The following SATB2 variants were observed in gnomAD, a reference collection of about 807,000 sequenced individuals.
SATB2 encodes the protein DNA-binding protein SATB2.
SATB2 carries 1 observed loss-of-function variant against 73.4 expected under a neutral mutation model. That is an observed-to-expected ratio of 0.01 (90% CI 0.00 to 0.06). The LOEUF is 0.06. Ranked by LOEUF, SATB2 falls within the 10% of genes least tolerant of loss-of-function variation. SATB2 has a pLI of 1.00. For missense variants in SATB2, 459 were observed against 945.8 expected, an observed-to-expected ratio of 0.49 and a Z score of 6.75; for synonymous variants, 397 against 367.0, an observed-to-expected ratio of 1.08 and a Z score of -0.93.
At chr2:199,288,265 C>T (rs1301887315) in intron 10 of SATB2, among the ~76,000 whole-genome samples, 1 of 152,156 alleles carries the variant, frequency 6.6e-6, no homozygotes, top group Non-Finnish European at 1.5e-5. Flanking sequence ...AATTTGCTAG[C>T]ACATAAAGAG....
chr2:199,336,526 C>G (rs924528362), intron 7 of SATB2, among the ~76,000 whole-genome samples: 2 of 152,146 alleles, frequency 1.3e-5, no homozygotes, highest in African/African-American at 4.8e-5. Flanking sequence ...GTATCAGATG[C>G]CTTCAGATAT....
intron 3 of SATB2, among the ~76,000 whole-genome samples, chr2:199,419,098 G>A (rs1691088397): frequency 6.6e-6 from 1 of 152,132 alleles, no homozygotes; most frequent in African/African-American, 2.4e-5. Flanking sequence ...AACTATTTTG[G>A]TTCCACACAT....
chr2:199,341,790 G>A (rs554446447), intron 7 of SATB2, among the ~76,000 whole-genome samples: 4 of 152,280 alleles, frequency 2.6e-5, no homozygotes, highest in African/African-American at 7.2e-5. Flanking sequence ...TGGAAATGGC[G>A]TGGACCTATA....
At position 199,328,605 on chromosome 2, in the gene SATB2, T is replaced by A. The variant is rs531430156; in HGVS notation, c.1386+93A>T. ...AAAAAGGAAAGAAATCCTTGAATTA[T>A]GTCTCTCAATGTTTGAGGGAAAACA... On this transcript the variant is annotated intron_variant, in intron 8 of 10. Transcript: ENST00000417098. 6.6e-5 allele frequency: 57 copies of A among 866,158 alleles called. No homozygotes were observed. In the African/African-American group the frequency reaches 8.9e-4, roughly 13 times the overall value. The allele number at this position is 866,158 out of a possible 1,614,324, so 53.7% of individuals were successfully genotyped here.
At chr2:199,419,906 AAAAT>A (rs1392781496) in intron 3 of SATB2, among the ~76,000 whole-genome samples, 1 of 152,210 alleles carries the variant, frequency 6.6e-6, no homozygotes, top group Non-Finnish European at 1.5e-5. Context: ...CCTGAAGAAA[AAAAT>A]AAATAAAGGA....
At chr2:199,458,924 C>A (rs1692391531), upstream of SATB2, among the ~76,000 whole-genome samples, 1 of 152,088 alleles carries the variant, frequency 6.6e-6, no homozygotes, top group East Asian at 1.9e-4. Flanking sequence ...GCCGCGAGTC[C>A]GGAACAATAG....
upstream of SATB2, among the ~76,000 whole-genome samples, chr2:199,465,641 G>A (rs1428769926): frequency 1.3e-5 from 2 of 152,176 alleles, no homozygotes; most frequent in Admixed American, 6.5e-5. Context: ...TAGTGTCTGC[G>A]GAGTTGCTGG....
At chr2:199,348,571 G>A (rs773074139) in intron 7 of SATB2, 130 bp downstream of exon 7, 2 of 758,098 alleles carry the variant, frequency 2.6e-6, no homozygotes, top group African/African-American at 1.7e-5. Flanking sequence ...CATTAACTAA[G>A]GATTATTAAT....
At chr2:199,303,797 G>A (rs1046690534) in intron 10 of SATB2, among the ~76,000 whole-genome samples, 1 of 152,140 alleles carries the variant, frequency 6.6e-6, no homozygotes, top group African/African-American at 2.4e-5. Flanking sequence ...GACAAGTCAA[G>A]GGACAATGCT....
At chr2:199,291,006 T>A (rs556015834) in intron 10 of SATB2, among the ~76,000 whole-genome samples, 1 of 152,174 alleles carries the variant, frequency 6.6e-6, no homozygotes. Context: ...ACAATAAAAT[T>A]CTGAATTGTC....
chr2:199,439,685 A>G (rs1178553347), intron 2 of SATB2, among the ~76,000 whole-genome samples: 1 of 152,176 alleles, frequency 6.6e-6, no homozygotes, highest in Non-Finnish European at 1.5e-5. Context: ...ATAACCTCAT[A>G]TTCTCATTAT....
chr2:199,284,750 C>G (rs550382605), intron 10 of SATB2, among the ~76,000 whole-genome samples: 2 of 151,238 alleles, frequency 1.3e-5, no homozygotes, highest in Admixed American at 6.6e-5. Context: ...GGTTCCATAC[C>G]TATGGATTCA....
At chr2:199,333,167 AC>A (rs1162306591) in intron 7 of SATB2, among the ~76,000 whole-genome samples, 1 of 152,046 alleles carries the variant, frequency 6.6e-6, no homozygotes, top group Non-Finnish European at 1.5e-5. Context: ...AAAAAAAAAA[AC>A]AGATCAGTCT....
intron 3 of SATB2, among the ~76,000 whole-genome samples, chr2:199,408,709 G>T (rs1201624059): frequency 6.6e-6 from 1 of 152,026 alleles, no homozygotes; most frequent in Non-Finnish European, 1.5e-5. Context: ...GTCTTAGGGA[G>T]GGCATGATCT....
At chr2:199,373,022 G>A (rs772640675) in intron 5 of SATB2, among the ~76,000 whole-genome samples, 2 of 152,100 alleles carry the variant, frequency 1.3e-5, no homozygotes, top group Non-Finnish European at 2.9e-5. Flanking sequence ...TGGCTTGGTG[G>A]GATTTATTTG....
At chr2:199,346,914 G>A (rs1380116239) in intron 7 of SATB2, 2 of 141,068 alleles carry the variant, frequency 1.4e-5, no homozygotes, top group East Asian at 4.2e-4. Context: ...TCAGGCTGGA[G>A]TGCAGTGGCA....
chr2:199,462,057 TC>T (rs1692487860), upstream of SATB2, among the ~76,000 whole-genome samples: 1 of 152,174 alleles, frequency 6.6e-6, no homozygotes, highest in African/African-American at 2.4e-5. This position sits in a 1 kb window ranked among gnomAD's most constrained non-coding sequence, Gnocchi z 5.9. Context: ...CCGGCATCCA[TC>T]CCCAAGGTCC....
At chr2:199,437,547 G>GAACA (rs1691689378) in intron 2 of SATB2, among the ~76,000 whole-genome samples, 1 of 152,196 alleles carries the variant, frequency 6.6e-6, no homozygotes, top group Non-Finnish European at 1.5e-5. Flanking sequence ...ATGTGGTGAT[G>GAACA]AACAGCACCA....
Position 199,272,418 on chromosome 2 carries a change from G to A in SATB2, c.1995C>T (p.Asn665=). ...PKHTIIKFFQ[N]QRYHVKHHGK... ...CGTGGTGCTTCACGTGGTACCGCTGGTTCTGGAAGAACTTGATGATGGTGT... is the reference window on the plus strand; with the variant it reads ...CGTGGTGCTTCACGTGGTACCGCTGATTCTGGAAGAACTTGATGATGGTGT... The change falls in exon 11 of 11, where the codon AAC becomes AAT. Residue 665 remains asparagine, a synonymous_variant. Transcript: ENST00000417098. The surrounding 1 kb of genome is among the most constrained non-coding windows in gnomAD (Gnocchi z 6.7). 6.2e-7 allele frequency: 1 copy of A among 1,614,208 alleles called. No individual in the cohort carries two copies. Among genetic ancestry groups the A allele is most frequent in the Non-Finnish European group, 8.5e-7 (1 of 1,180,036 alleles).
Sources: gnomAD v4.1 joint callset for allele counts (sites outside exome capture counted in the v4.1 genomes callset) on GRCh38, gnomAD v4.1.1 for gene constraint, Gnocchi (gnomAD v3.1) non-coding constraint, MANE v1.5 for transcripts, NCBI Gene and HGNC (gene_info 2026-07-23, HGNC 2026-07-21) for gene names.